The following UGGT1 variants were observed in gnomAD, a reference collection of about 807,000 sequenced individuals.
UGGT1 encodes the protein UDP-glucose glycoprotein glucosyltransferase 1, also known as UDP-glucose:glycoprotein glucosyltransferase 1.
Under a neutral mutation model 203.9 loss-of-function variants are expected in UGGT1, and 107 were observed. That is an observed-to-expected ratio of 0.52 (90% CI 0.45 to 0.62). UGGT1 has a LOEUF of 0.62. UGGT1 is among the 20% of genes least tolerant of loss of function. UGGT1 has a pLI of 0.00. For synonymous variants in UGGT1, 628 were observed against 653.5 expected (o/e 0.96, Z 0.59); for missense variants, 1,673 against 1,867.2 (o/e 0.90, Z 1.92).
At chr2:128,099,164 G>A (rs1242368927) in intron 2 of UGGT1, among the ~76,000 whole-genome samples, 1 of 152,086 alleles carries the variant, frequency 6.6e-6, no homozygotes, top group African/African-American at 2.4e-5. Flanking sequence ...GAGTTTTTGA[G>A]ACAAGGCCTG....
At chr2:128,094,172 A>G (rs1013748305) in intron 1 of UGGT1, among the ~76,000 whole-genome samples, 2 of 152,120 alleles carry the variant, frequency 1.3e-5, no homozygotes, top group Non-Finnish European at 2.9e-5. Flanking sequence ...CAAATTGTAA[A>G]CATAGCTAAT....
In UGGT1 at chr2:128,180,805, G is replaced by A. The variant is rs1261232421; in HGVS notation, c.3901-85G>A. The A allele has an allele frequency of 4.4e-6, 6 of 1,375,698 alleles. No individual in the cohort carries two copies. The African/African-American group carries it at 5.8e-5, about 13-fold the overall frequency. The allele number at this position is 1,375,698 out of a possible 1,614,324, so 85.2% of individuals were successfully genotyped here. ...TTGGTAAATGTGTTTTATTTGTCCC[G>A]TATCATGGTGGTTGGCTTACATTAT... On this transcript the variant is annotated intron_variant, in intron 35 of 40. Transcript: ENST00000259253.
chr2:128,113,543 A>G (rs2105370066), intron 6 of UGGT1, among the ~76,000 whole-genome samples: 1 of 152,332 alleles, frequency 6.6e-6, no homozygotes, highest in South Asian at 2.1e-4. Context: ...TGGTCATCAT[A>G]CTATGGAACT....
intron 38 of UGGT1, 52 bp from the exon 39 acceptor site, chr2:128,186,631 G>A (rs1340870291): frequency 4.2e-6 from 6 of 1,432,684 alleles, no homozygotes; most frequent in African/African-American, 1.4e-5. Flanking sequence ...AATAAATATC[G>A]CCAGAACTTT....
intron 3 of UGGT1, among the ~76,000 whole-genome samples, chr2:128,105,144 A>G (rs1291723822): frequency 6.6e-6 from 1 of 151,366 alleles, no homozygotes; most frequent in Non-Finnish European, 1.5e-5. Flanking sequence ...CGGCCTCCTA[A>G]AGTTCTGGGA....
chr2:128,149,898 G>T (rs1466931172), intron 18 of UGGT1, among the ~76,000 whole-genome samples: 2 of 152,162 alleles, frequency 1.3e-5, no homozygotes, highest in African/African-American at 2.4e-5. Flanking sequence ...GGAGGCCGAG[G>T]TTGCAGTGAG....
chr2:128,131,736 T>G (rs963274945), intron 13 of UGGT1, among the ~76,000 whole-genome samples: 2 of 152,158 alleles, frequency 1.3e-5, no homozygotes, highest in African/African-American at 2.4e-5. Flanking sequence ...CAAACGATTC[T>G]CCTGCCTCAG....
At chr2:128,180,638 A>G (rs1691646911) in intron 35 of UGGT1, among the ~76,000 whole-genome samples, 1 of 152,250 alleles carries the variant, frequency 6.6e-6, no homozygotes, top group Non-Finnish European at 1.5e-5. Context: ...AGGGATATAC[A>G]TCTAAAATCC....
chr2:128,155,371 T>C, intron 19 of UGGT1, 118 bp from the exon 20 acceptor site: 1 of 732,478 alleles, frequency 1.4e-6, no homozygotes, highest in Non-Finnish European at 2.2e-6. Context: ...TGGAACTTAA[T>C]ATACTTCACT....
intron 3 of UGGT1, among the ~76,000 whole-genome samples, chr2:128,105,852 C>T (rs557787744): frequency 6.7e-6 from 1 of 148,550 alleles, no homozygotes; most frequent in African/African-American, 2.5e-5. Context: ...GCTCTGGAGG[C>T]TGGAGTGCAG....
chr2:128,180,821 C>G (rs1018332026), intron 35 of UGGT1, 69 bp from the exon 36 acceptor site: 20 of 1,497,880 alleles, frequency 1.3e-5, no homozygotes, highest in Non-Finnish European at 1.8e-5. Flanking sequence ...TGGTGGTTGG[C>G]TTACATTATG....
chr2:128,115,454 G>A (rs4662777), intron 7 of UGGT1, among the ~76,000 whole-genome samples: 131,955 of 146,208 alleles, frequency 0.9, 60,266 homozygotes, highest in Non-Finnish European at 0.98. Context: ...AATAAATAAG[G>A]TGTGTAAGGA....
intron 5 of UGGT1, among the ~76,000 whole-genome samples, chr2:128,111,746 C>T (rs1034048255): frequency 2.6e-5 from 4 of 151,914 alleles, no homozygotes; most frequent in South Asian, 2.1e-4. Flanking sequence ...CCGCCCGCCT[C>T]GGCCTCCCAA....
chr2:128,165,773 A>G (rs199830155), intron 26 of UGGT1, among the ~76,000 whole-genome samples: 2 of 146,524 alleles, frequency 1.4e-5, no homozygotes, highest in African/African-American at 4.9e-5. Flanking sequence ...ACTTTTTTTA[A>G]AAAAAAAAAA....
chr2:128,118,594 T>C (rs1688236772), intron 8 of UGGT1, among the ~76,000 whole-genome samples: 1 of 152,214 alleles, frequency 6.6e-6, no homozygotes, highest in South Asian at 2.1e-4. Flanking sequence ...TTGTGGTGTT[T>C]ATGTTTATTT....
At chr2:128,107,893 C>T in intron 3 of UGGT1, 45 bp from the exon 4 acceptor site, 2 of 1,611,826 alleles carry the variant, frequency 1.2e-6, no homozygotes, top group Non-Finnish European at 1.7e-6. Context: ...CTTTAGATAT[C>T]TCTAGTCATA....
chr2:128,134,913 A>C lies in UGGT1; in HGVS notation c.1535A>C (p.Glu512Ala), dbSNP rs79030267. 2.4e-5 allele frequency: 39 copies of C among 1,614,006 alleles called. No homozygotes were observed. In the East Asian group the frequency reaches 8.7e-4, roughly 36 times the overall value. Reference sequence around the variant, plus strand: ...GATCCTGCACATGAGACCACAGCAGAGTTGATGAACACAGCTGAGATGTTC... The same window carrying C: ...GATCCTGCACATGAGACCACAGCAGCGTTGATGAACACAGCTGAGATGTTC... The part of the protein sequence containing the change: ...IVDPAHETTA[E>A]LMNTAEMFLS... The change falls in exon 15 of 41, where the codon GAG becomes GCG. Residue 512 changes from glutamate (E) to alanine (A), a missense_variant. Coordinates refer to ENST00000259253, the MANE Select transcript of UGGT1 (RefSeq NM_020120.4).
intron 1 of UGGT1, among the ~76,000 whole-genome samples, chr2:128,093,978 A>G (rs996544403): frequency 6.6e-6 from 1 of 152,170 alleles, no homozygotes; most frequent in Non-Finnish European, 1.5e-5. Flanking sequence ...TAAAGCACCT[A>G]ATACAATGTT....
chr2:128,128,130 C>T (rs1023972027), intron 12 of UGGT1, among the ~76,000 whole-genome samples: 2 of 152,018 alleles, frequency 1.3e-5, no homozygotes, highest in African/African-American at 4.8e-5. Context: ...GTTCTGTCTA[C>T]ATATATTATT....
Sources: allele counts gnomAD v4.1 joint callset (sites outside exome capture counted in the v4.1 genomes callset), GRCh38; gene constraint gnomAD v4.1.1; transcripts MANE v1.5; gene names NCBI Gene and HGNC (gene_info 2026-07-23, HGNC 2026-07-21).